Variants in BABAM2 observed in about 807,000 individuals in gnomAD.
The protein encoded by BABAM2 is BRISC and BRCA1-A complex member 2.
Under a neutral mutation model 54.7 loss-of-function variants are expected in BABAM2, and 31 were observed. The ratio of observed to expected loss-of-function variants is 0.57; its 90% CI spans 0.43 to 0.77. The LOEUF (loss-of-function observed/expected upper bound fraction) is 0.77. Ranked by LOEUF, BABAM2 falls within the 30% of genes least tolerant of loss-of-function variation. The pLI, the probability that BABAM2 is intolerant of heterozygous loss-of-function variation, is 0.00. For synonymous variants in BABAM2, 167 were observed against 162.9 expected, an observed-to-expected ratio of 1.03 and a Z score of -0.19; for missense variants, 364 against 455.8, an observed-to-expected ratio of 0.80 and a Z score of 1.83.
intron 2 of BABAM2, among the ~76,000 whole-genome samples, chr2:27,916,689 A>G (rs1158147657): frequency 6.6e-6 from 1 of 152,116 alleles, no homozygotes; most frequent in Non-Finnish European, 1.5e-5. Flanking sequence ...CTTAAAGACA[A>G]TTGCCCATAA....
At chr2:27,920,110 T>C (rs1016389503) in intron 2 of BABAM2, among the ~76,000 whole-genome samples, 7 of 152,190 alleles carry the variant, frequency 4.6e-5, no homozygotes, top group Non-Finnish European at 1.5e-5. Flanking sequence ...GAATATCATA[T>C]GTCATCAAAT....
chr2:27,959,055 G>A (rs1670288126), intron 3 of BABAM2, among the ~76,000 whole-genome samples: 1 of 152,226 alleles, frequency 6.6e-6, no homozygotes, highest in Admixed American at 6.5e-5. Flanking sequence ...CAAATCTCCA[G>A]TTCTAACTAT....
chr2:28,073,610 C>T (rs1444966092), intron 6 of BABAM2, among the ~76,000 whole-genome samples: 1 of 152,114 alleles, frequency 6.6e-6, no homozygotes, highest in Non-Finnish European at 1.5e-5. Flanking sequence ...TGAAATTCTA[C>T]CCCCTAGAAA....
At position 28,045,744 on chromosome 2, in the gene BABAM2, G is replaced by A. The variant is rs528903527; in HGVS notation, c.515G>A (p.Arg172His). 66 of 1,610,656 alleles carry A rather than the reference G, an allele frequency of 4.1e-5. No homozygotes were observed. The highest frequency in any genetic ancestry group is 4.5e-5 in the East Asian group (2 of 44,782). ...KNNWTGEFSA[R>H]FLLKLPVDFS... ...TTACAGACTGGTGAATTTTCAGCTC[G>A]TTTCCTTTTGAAGCTGCCCGTAGAT... is the stretch of plus-strand genomic sequence containing the variant. Residue 172 changes from arginine (R) to histidine (H), a missense_variant, in exon 6 of 12, where the codon CGT (arginine) becomes CAT (histidine). Arg to His is a conservative substitution (Grantham distance 29). Transcript: ENST00000379624.
intron 6 of BABAM2, among the ~76,000 whole-genome samples, chr2:28,047,870 A>C (rs1192898864): frequency 6.6e-6 from 1 of 152,238 alleles, no homozygotes; most frequent in African/African-American, 2.4e-5. Context: ...AAACAGAAAC[A>C]GAAACCTACC....
chr2:28,024,828 A>G (rs1309285342), intron 4 of BABAM2, among the ~76,000 whole-genome samples: 4 of 152,232 alleles, frequency 2.6e-5, no homozygotes, highest in African/African-American at 9.6e-5. Flanking sequence ...GAGTTGAATT[A>G]CTTTAGCATA....
chr2:27,987,304 A>C (rs1453421704), intron 3 of BABAM2, among the ~76,000 whole-genome samples: 5 of 152,216 alleles, frequency 3.3e-5, no homozygotes, highest in Non-Finnish European at 5.9e-5. Context: ...ATGTATGTTT[A>C]ATTTCTGCAA....
At chr2:28,095,320 G>A (rs562585415) in intron 6 of BABAM2, among the ~76,000 whole-genome samples, 3 of 152,178 alleles carry the variant, frequency 2.0e-5, no homozygotes, top group South Asian at 4.2e-4. Flanking sequence ...ACCTTCCCTG[G>A]CAGAGCCTTC....
intron 3 of BABAM2, among the ~76,000 whole-genome samples, chr2:27,946,384 A>C (rs1669299237): frequency 6.6e-6 from 1 of 152,136 alleles, no homozygotes; most frequent in South Asian, 2.1e-4. Context: ...CTGATGTATT[A>C]CTGGAGTTGA....
At chr2:28,299,721 C>G (rs548475847) in intron 11 of BABAM2, among the ~76,000 whole-genome samples, 45 of 152,084 alleles carry the variant, frequency 3.0e-4, no homozygotes, top group Non-Finnish European at 4.6e-4. Flanking sequence ...TATGAAACTT[C>G]TGACAATTTC....
intron 7 of BABAM2, among the ~76,000 whole-genome samples, chr2:28,210,371 CT>C (rs1272577051): frequency 6.6e-6 from 1 of 152,182 alleles, no homozygotes; most frequent in Non-Finnish European, 1.5e-5. Context: ...TGCTACACTA[CT>C]GCAAGTTTTG....
chr2:28,145,832 T>C (rs1396427217), intron 7 of BABAM2, among the ~76,000 whole-genome samples: 1 of 152,250 alleles, frequency 6.6e-6, no homozygotes, highest in Non-Finnish European at 1.5e-5. Context: ...TCATACAATA[T>C]GTGGTCTTTT....
At chr2:28,286,075 C>A (rs938080807) in intron 10 of BABAM2, among the ~76,000 whole-genome samples, 1 of 151,640 alleles carries the variant, frequency 6.6e-6, no homozygotes, top group African/African-American at 2.4e-5. Flanking sequence ...CCTGCCTCAG[C>A]GTCCTGAGTA....
chr2:28,338,542 C>A lies in BABAM2; in HGVS notation c.*29C>A, dbSNP rs1205778036. ...ACACCAGTCTTGAGAGGTGGCCAGC[C>A]AGACTGCCTGTCCACATGCGTGTCA... On this transcript the variant is annotated 3_prime_UTR_variant, in exon 12 of 12. Transcript: ENST00000379624. The A allele has an allele frequency of 2.5e-6, 4 of 1,612,222 alleles. No homozygotes were observed. Among genetic ancestry groups the A allele is most frequent in the Non-Finnish European group, 3.4e-6 (4 of 1,178,458 alleles).
chr2:28,042,202 A>C (rs892671755), intron 5 of BABAM2, among the ~76,000 whole-genome samples: 10 of 152,212 alleles, frequency 6.6e-5, no homozygotes, highest in African/African-American at 2.4e-4. Context: ...GAAGAGCACA[A>C]AATCAGGAAT....
intron 6 of BABAM2, among the ~76,000 whole-genome samples, chr2:28,092,129 G>A (rs1350891497): frequency 1.3e-5 from 2 of 152,104 alleles, no homozygotes; most frequent in African/African-American, 4.8e-5. Flanking sequence ...TTTTAAAAAG[G>A]TAATCATAAT....
At chr2:28,088,589 A>G (rs555311364) in intron 6 of BABAM2, among the ~76,000 whole-genome samples, 2 of 152,288 alleles carry the variant, frequency 1.3e-5, no homozygotes, top group Admixed American at 6.5e-5. Flanking sequence ...GCTCTAAGCC[A>G]GTGTTGCCCA....
chr2:28,238,388 G>A (rs540640745), intron 8 of BABAM2, among the ~76,000 whole-genome samples: 1 of 152,266 alleles, frequency 6.6e-6, no homozygotes, highest in Admixed American at 6.5e-5. Context: ...TTGTTTAGTT[G>A]CCAGAGTGCA....
At chr2:28,026,885 T>C (rs868622114) in intron 5 of BABAM2, among the ~76,000 whole-genome samples, 1 of 40,276 alleles carries the variant, frequency 2.5e-5, no homozygotes, top group Non-Finnish European at 4.6e-5. Flanking sequence ...TATATATATA[T>C]AGATATATAT....
Sources: allele counts gnomAD v4.1 joint callset (sites outside exome capture counted in the v4.1 genomes callset), GRCh38; gene constraint gnomAD v4.1.1; transcripts MANE v1.5; gene names NCBI Gene and HGNC (gene_info 2026-07-23, HGNC 2026-07-21).